The following RPRD1B variants were observed in gnomAD, a reference collection of about 807,000 sequenced individuals.
RPRD1B encodes regulation of nuclear pre-mRNA domain-containing protein 1B.
A neutral mutation model predicts 41.5 loss-of-function variants in RPRD1B; 11 were observed. The observed-to-expected ratio is 0.27, with a 90% CI of 0.17 to 0.44. The LOEUF (loss-of-function observed/expected upper bound fraction) is 0.44. Among genes scored for constraint, RPRD1B ranks in the 20% least tolerant of loss-of-function variants. The pLI is 1.00. For synonymous variants in RPRD1B, 158 were observed against 155.6 expected, an observed-to-expected ratio of 1.02 and a Z score of -0.12; for missense variants, 248 against 389.9, an observed-to-expected ratio of 0.64 and a Z score of 3.06.
At chr20:38,060,523 A>G (rs2074286887) in intron 5 of RPRD1B, among the ~76,000 whole-genome samples, 1 of 152,170 alleles carries the variant, frequency 6.6e-6, no homozygotes, top group Non-Finnish European at 1.5e-5. Context: ...TGGTATTTTA[A>G]AGGTGTTTGG....
At chr20:38,087,281 T>C (rs915525061) in intron 6 of RPRD1B, among the ~76,000 whole-genome samples, 1 of 152,164 alleles carries the variant, frequency 6.6e-6, no homozygotes, top group Non-Finnish European at 1.5e-5. Context: ...TTTTAAGAAA[T>C]TGCCTAGGAG....
At chr20:38,042,515 T>A (rs1046797827) in intron 2 of RPRD1B, among the ~76,000 whole-genome samples, 5 of 152,210 alleles carry the variant, frequency 3.3e-5, no homozygotes, top group African/African-American at 1.2e-4. Context: ...CTTGGCAGAT[T>A]CAGTGGCAGT....
At chr20:38,039,132 C>T (rs759390108) in intron 1 of RPRD1B, among the ~76,000 whole-genome samples, 12 of 152,060 alleles carry the variant, frequency 7.9e-5, no homozygotes, top group Non-Finnish European at 1.3e-4. Flanking sequence ...ACATATTGCA[C>T]GAGGTTTTTA....
At position 38,091,436 on chromosome 20, in the gene RPRD1B, G is replaced by A. The variant is rs1156802152; in HGVS notation, c.*1561G>A. On this transcript the variant is annotated 3_prime_UTR_variant, in exon 7 of 7. Transcript: ENST00000373433. ...TAGCAGATACTCAGTTTAACTCTGT[G>A]TAGAACCTAGTAGTGTTTGAGCTGT... The A allele has an allele frequency of 3.0e-6, 3 of 985,288 alleles. No individual in the cohort carries two copies. Among genetic ancestry groups the A allele is most frequent in the African/African-American group, 1.7e-5 (1 of 57,204 alleles). 61.0% of individuals were successfully genotyped at this position (985,288 alleles called of 1,614,324 possible).
intron 1 of RPRD1B, among the ~76,000 whole-genome samples, chr20:38,035,447 C>T (rs753167580): frequency 3.3e-5 from 5 of 152,202 alleles, no homozygotes; most frequent in Non-Finnish European, 7.3e-5. Context: ...TCAAGGCTTT[C>T]GAACTGAACA....
chr20:38,059,477 G>A lies in RPRD1B; in HGVS notation c.612G>A (p.Leu204=). Residue 204 remains leucine (L), a synonymous_variant, in exon 5 of 7, where the codon CTG becomes CTA. Transcript: ENST00000373433. The part of the protein sequence containing the change: ...DATVRQKIAS[L]PQEVQDVSLL... ...CTGTCCGACAGAAAATTGCTTCTCT[G>A]CCCCAGGAAGTGCAAGATGTTTCTC... The A allele has an allele frequency of 3.7e-6, 6 of 1,614,070 alleles. No homozygotes were observed. Among genetic ancestry groups the A allele is most frequent in the Non-Finnish European group, 5.1e-6 (6 of 1,179,962 alleles).
At chr20:38,058,035 A>G (rs181910321) in intron 4 of RPRD1B, among the ~76,000 whole-genome samples, 69 of 152,364 alleles carry the variant, frequency 4.5e-4, no homozygotes, top group African/African-American at 1.6e-3. Flanking sequence ...AAGACAGTCT[A>G]TGTGTCAATA....
chr20:38,075,222 G>A (rs547214458), intron 6 of RPRD1B, among the ~76,000 whole-genome samples: 1 of 152,346 alleles, frequency 6.6e-6, no homozygotes, highest in Non-Finnish European at 1.5e-5. Context: ...CGTTCCTGCT[G>A]TAGGAGTTCT....
At chr20:38,044,417 A>C (rs964526207) in intron 2 of RPRD1B, among the ~76,000 whole-genome samples, 74 of 133,398 alleles carry the variant, frequency 5.5e-4, no homozygotes, top group Middle Eastern at 4.3e-3. Context: ...TCTGTCGCCC[A>C]GGCTGGAGTG....
chr20:38,036,581 T>A (rs1272070839), intron 1 of RPRD1B, among the ~76,000 whole-genome samples: 1 of 152,222 alleles, frequency 6.6e-6, no homozygotes, highest in Non-Finnish European at 1.5e-5. Flanking sequence ...TGGTGCCTGT[T>A]ATATAGTTTA....
chr20:38,088,847 G>C (rs1261401187), intron 6 of RPRD1B, among the ~76,000 whole-genome samples: 1 of 152,208 alleles, frequency 6.6e-6, no homozygotes, highest in Admixed American at 6.5e-5. Flanking sequence ...CCTGGATGCA[G>C]AGCAAGGATT....
chr20:38,075,444 T>C (rs2074450158), intron 6 of RPRD1B, among the ~76,000 whole-genome samples: 2 of 152,234 alleles, frequency 1.3e-5, no homozygotes, highest in Non-Finnish European at 2.9e-5. Flanking sequence ...TACTATAACA[T>C]TGACTTGAGT....
intron 1 of RPRD1B, 54 bp from the exon 2 acceptor site, chr20:38,040,381 T>G: frequency 6.8e-7 from 1 of 1,465,690 alleles, no homozygotes; most frequent in Non-Finnish European, 9.2e-7. Flanking sequence ...AAAAGAATTG[T>G]GAATTGAGAA....
intron 5 of RPRD1B, among the ~76,000 whole-genome samples, chr20:38,062,337 CTATAAA>C (rs1179274569): frequency 1.3e-5 from 2 of 152,158 alleles, no homozygotes; most frequent in East Asian, 3.9e-4. Context: ...AATTTCATGA[CTATAAA>C]TAAGAGTTTT....
rs957855258 is a variant in RPRD1B at position 38,090,327 on chromosome 20, T to C, written c.*452T>C. ...CACTAAGGCACTTGTCCTGGAGACG[T>C]TGGCTTTCCCAGCTGCATCTGCCCC... On this transcript the variant is annotated 3_prime_UTR_variant, in exon 7 of 7. Coordinates refer to ENST00000373433, the MANE Select transcript of RPRD1B (RefSeq NM_021215.4). 1.9e-5 allele frequency: 19 copies of C among 986,690 alleles called. No homozygotes were observed. Among genetic ancestry groups the C allele is most frequent in the South Asian group, 4.7e-5 (1 of 21,340 alleles). 61.1% of individuals were successfully genotyped at this position (986,690 alleles called of 1,614,324 possible).
intron 6 of RPRD1B, among the ~76,000 whole-genome samples, chr20:38,088,693 A>G (rs1266088970): frequency 6.6e-6 from 1 of 152,258 alleles, no homozygotes; most frequent in Non-Finnish European, 1.5e-5. Context: ...AATATGCCCC[A>G]TTCCTATCAT....
chr20:38,051,663 G>C (rs1350410925), intron 3 of RPRD1B, among the ~76,000 whole-genome samples: 1 of 151,956 alleles, frequency 6.6e-6, no homozygotes, highest in African/African-American at 2.4e-5. Flanking sequence ...ATATTGGTAG[G>C]AATTTTGGTA....
rs147193613 is a variant in RPRD1B, at chr20:38,063,678, A to G, written c.656-2403A>G. Among the ~76,000 whole-genome samples, 37 of 152,258 alleles carry G rather than the reference A, an allele frequency of 2.4e-4. 1 individual carries two copies. Among genetic ancestry groups the G allele is most frequent in the Non-Finnish European group, 4.3e-4 (29 of 68,010 alleles). Reference sequence around the variant, plus strand: ...GAGAATTTGCTGAGGTAGAGAAGACATGGGACGGCTGCAGAAGTTTAGTCT... The same window carrying G: ...GAGAATTTGCTGAGGTAGAGAAGACGTGGGACGGCTGCAGAAGTTTAGTCT... On this transcript the variant is annotated intron_variant, in intron 5 of 6. Transcript: ENST00000373433.
At chr20:38,081,086 T>C (rs930540645) in intron 6 of RPRD1B, among the ~76,000 whole-genome samples, 3 of 152,362 alleles carry the variant, frequency 2.0e-5, no homozygotes, top group Admixed American at 6.5e-5. Flanking sequence ...AAAATAGTTT[T>C]TCCTAATTCT....
Sources: allele counts gnomAD v4.1 joint callset (sites outside exome capture counted in the v4.1 genomes callset), GRCh38; gene constraint gnomAD v4.1.1; transcripts MANE v1.5; gene names NCBI Gene and HGNC (gene_info 2026-07-23, HGNC 2026-07-21).